POLR3F: variants seen among roughly 807,000 people sequenced by gnomAD.
POLR3F encodes the protein DNA-directed RNA polymerase III subunit RPC6.
In POLR3F, 31 loss-of-function variants were observed where a neutral mutation model predicts 43.6. The observed-to-expected ratio is 0.71, with a 90% confidence interval of 0.53 to 0.96. The LOEUF (loss-of-function observed/expected upper bound fraction) is 0.96, where lower values mean the gene tolerates loss of function less well. POLR3F is among the 40% of genes least tolerant of loss of function. POLR3F has a pLI of 0.00. For synonymous variants in POLR3F, 114 were observed against 132.5 expected (o/e 0.86, Z 0.96); for missense variants, 316 against 391.7 (o/e 0.81, Z 1.63).
chr20:18,468,987 C>T lies in POLR3F; in HGVS notation c.106C>T (p.Gln36Ter). ...CCAGTTCCCTCATGGAATCACAGAC[C>T]AAGTAATTCAGAATGAAATGCCTCA... ...CHQFPHGITD[Q>*]VIQNEMPHIE... The change falls in exon 2 of 9, where the codon CAA (glutamine) becomes TAA (stop). Residue 36 changes from glutamine (Q) to a stop codon, truncating the protein, a stop_gained. Coordinates refer to ENST00000377603, the MANE Select transcript of POLR3F (RefSeq NM_006466.4). LOFTEE classifies it high-confidence loss of function. 2.5e-6 allele frequency: 4 copies of T among 1,592,186 alleles called. No individual in the cohort carries two copies. The highest frequency in any genetic ancestry group is 3.4e-6 in the Non-Finnish European group (4 of 1,159,928).
chr20:18,479,005 C>T (rs1470577630), intron 5 of POLR3F, among the ~76,000 whole-genome samples: 1 of 151,960 alleles, frequency 6.6e-6, no homozygotes, highest in Admixed American at 6.6e-5. Context: ...ATTAGCTGGG[C>T]ATAGTGACGG....
At chr20:18,481,302 T>C (rs1249204529) in intron 7 of POLR3F, among the ~76,000 whole-genome samples, 1 of 152,200 alleles carries the variant, frequency 6.6e-6, no homozygotes, top group Non-Finnish European at 1.5e-5. Context: ...AGTACAGTAG[T>C]GCGATCTCAG....
At position 18,467,577 on chromosome 20, in the gene POLR3F, G is replaced by C. The variant is rs1568573418; in HGVS notation, c.62+9G>C. 1 of 1,614,244 alleles carries C rather than the reference G, an allele frequency of 6.2e-7. No individual in the cohort carries two copies. The highest frequency in any genetic ancestry group is 8.5e-7 in the Non-Finnish European group (1 of 1,180,038). On this transcript the variant is annotated intron_variant, in intron 1 of 8. Coordinates refer to ENST00000377603, the MANE Select transcript of POLR3F (RefSeq NM_006466.4). Reference sequence around the variant, plus strand: ...GTCGAAATAGAAAACAGGTAAACCAGTGAGGCTCCGGCTTGGCACTCCATC... The same window carrying C: ...GTCGAAATAGAAAACAGGTAAACCACTGAGGCTCCGGCTTGGCACTCCATC...
chr20:18,479,099 C>T (rs1213399934), intron 5 of POLR3F, among the ~76,000 whole-genome samples: 5 of 149,244 alleles, frequency 3.4e-5, no homozygotes, highest in African/African-American at 5.0e-5. Flanking sequence ...AAGCTGAGAT[C>T]GTGTGCCATT....
rs543307670 is a variant in POLR3F, at chr20:18,471,369, G to A, written c.181-1473G>A. 6.6e-5 allele frequency among the ~76,000 whole-genome samples: 10 copies of A among 152,278 alleles called. No homozygotes were observed. In the Middle Eastern group the frequency reaches 0.014, roughly 207 times the overall value. On this transcript the variant is annotated intron_variant, in intron 2 of 8. Coordinates refer to ENST00000377603, the MANE Select transcript of POLR3F (RefSeq NM_006466.4). Reference sequence around the variant, plus strand: ...GGAAGTCACTGAACCCCCCCAGGTTGGGCCGCAGCCTGTTCTCCGAGTACC... The same window carrying A: ...GGAAGTCACTGAACCCCCCCAGGTTAGGCCGCAGCCTGTTCTCCGAGTACC...
intron 5 of POLR3F, among the ~76,000 whole-genome samples, chr20:18,479,086 A>G (rs1384725297): frequency 6.6e-6 from 1 of 151,934 alleles, no homozygotes; most frequent in Non-Finnish European, 1.5e-5. Context: ...TGGAGGTTGC[A>G]GTAAGCTGAG....
intron 5 of POLR3F, among the ~76,000 whole-genome samples, chr20:18,475,928 T>C (rs2059777527): frequency 6.6e-6 from 1 of 152,242 alleles, no homozygotes; most frequent in African/African-American, 2.4e-5. Flanking sequence ...TTAGTGATTT[T>C]ATTTATCAGA....
intron 7 of POLR3F, among the ~76,000 whole-genome samples, chr20:18,480,975 T>C (rs964661932): frequency 1.1e-4 from 16 of 152,330 alleles, no homozygotes; most frequent in African/African-American, 3.8e-4. Flanking sequence ...GACTATTTGA[T>C]GTCTAAAGTG....
At chr20:18,473,105 CATAGATGATTATATATTT>C (rs921066306) in intron 3 of POLR3F, 196 bp downstream of exon 3, 3 of 355,736 alleles carry the variant, frequency 8.4e-6, no homozygotes, top group Non-Finnish European at 1.5e-5. Flanking sequence ...TATAAATACA[CATAGATGATTATATATTT>C]ATATATAATC....
chr20:18,470,806 T>C (rs2059745928), intron 2 of POLR3F: 1 of 152,610 alleles, frequency 6.6e-6, no homozygotes, highest in Admixed American at 6.5e-5. Context: ...CAAAGGATAT[T>C]AAGAAAGGGA....
chr20:18,482,294 C>T (rs370054786), intron 8 of POLR3F, among the ~76,000 whole-genome samples: 3 of 152,102 alleles, frequency 2.0e-5, no homozygotes, highest in East Asian at 3.9e-4. Context: ...CCCTGCTTTA[C>T]ATTCTTTCTT....
intron 5 of POLR3F, among the ~76,000 whole-genome samples, chr20:18,476,896 G>A (rs1221486244): frequency 6.6e-6 from 1 of 152,094 alleles, no homozygotes; most frequent in Non-Finnish European, 1.5e-5. Flanking sequence ...CCAACATGGT[G>A]AAACCCTGTC....
At position 18,469,065 on chromosome 20, in the gene POLR3F, A is replaced by G. The variant is rs768208088; in HGVS notation, c.180+4A>G. 10 of 1,262,428 alleles carry G rather than the reference A, an allele frequency of 7.9e-6. No homozygotes were observed. The highest frequency in any genetic ancestry group is 1.5e-5 in the African/African-American group (1 of 68,162). The allele number at this position is 1,262,428 out of a possible 1,614,324, so 78.2% of individuals were successfully genotyped here. On this transcript the variant is annotated splice_donor_region_variant and intron_variant, in intron 2 of 8. Coordinates refer to ENST00000377603, the MANE Select transcript of POLR3F (RefSeq NM_006466.4). ...CATCAATAGGTTGTTGTCTATGGTA[A>G]GGTGAATCTAACTATTTTGCATAAT...
chr20:18,473,464 CA>C lies in POLR3F; in HGVS notation c.316+7del, dbSNP rs1185319568. On this transcript the variant is annotated splice_region_variant and intron_variant, in intron 4 of 8. Transcript: ENST00000377603. ...AGAGGATGCAGGAAATAAAGGTAAGCATGTGAAAGATGAAGCAGAAAAAAAC... is the reference window on the plus strand; with the variant it reads ...AGAGGATGCAGGAAATAAAGGTAAGCTGTGAAAGATGAAGCAGAAAAAAAC... 2.1e-6 allele frequency: 3 copies of C among 1,398,104 alleles called. No homozygotes were observed. The African/African-American group carries it at 4.2e-5, about 20-fold the overall frequency. 86.6% of individuals were successfully genotyped at this position (1,398,104 alleles called of 1,614,324 possible).
Position 18,468,986 on chromosome 20 carries a change from C to T in POLR3F, c.105C>T (p.Asp35=), listed in dbSNP as rs2059730312. 1 of 1,591,298 alleles carries T rather than the reference C, an allele frequency of 6.3e-7. No individual in the cohort carries two copies. The highest frequency in any genetic ancestry group is 1.3e-5 in the African/African-American group (1 of 74,552). The stretch of plus-strand genomic sequence containing the variant: ...ACCAGTTCCCTCATGGAATCACAGA[C>T]CAAGTAATTCAGAATGAAATGCCTC... The part of the protein sequence containing the change: ...LCHQFPHGIT[D]QVIQNEMPHI... The change falls in exon 2 of 9, where the codon GAC becomes GAT. Residue 35 remains aspartate, a synonymous_variant. Coordinates refer to ENST00000377603, the MANE Select transcript of POLR3F (RefSeq NM_006466.4).
rs759357302 is a variant in POLR3F, at chr20:18,480,491, C to T, written c.663C>T (p.Cys221=). The change falls in exon 7 of 9, where the codon TGC becomes TGT. Residue 221 remains cysteine, a synonymous_variant. Transcript: ENST00000377603. Reference sequence around the variant, plus strand: ...CACATGAAGTGTGGAAATATATCTGCGAATTGGGAATCAGTAAGGTCAGAA... The same window carrying T: ...CACATGAAGTGTGGAAATATATCTGTGAATTGGGAATCAGTAAGGTCAGAA... ...ASSHEVWKYI[C]ELGISKVELS... 7.6e-6 allele frequency: 12 copies of T among 1,585,802 alleles called. No homozygotes were observed. In the South Asian group the frequency reaches 1.0e-4, roughly 13 times the overall value.
intron 5 of POLR3F, among the ~76,000 whole-genome samples, chr20:18,479,718 C>T (rs769300226): frequency 1.3e-5 from 2 of 151,994 alleles, no homozygotes; most frequent in Non-Finnish European, 2.9e-5. Context: ...CTAAAAGAAG[C>T]CTGAGAGAGA....
intron 4 of POLR3F, among the ~76,000 whole-genome samples, chr20:18,474,783 A>T (rs189176222): frequency 1.1e-4 from 17 of 152,212 alleles, no homozygotes; most frequent in Admixed American, 7.8e-4. Flanking sequence ...CGGCCTCCCT[A>T]AGTGCTGGGA....
At chr20:18,467,606 C>T (rs1450079014) in intron 1 of POLR3F, 38 bp downstream of exon 1, 1 of 1,613,910 alleles carries the variant, frequency 6.2e-7, no homozygotes, top group East Asian at 2.2e-5. Context: ...CTCCATCAGG[C>T]GCCCAGTCAT....
Sources: gnomAD v4.1 joint callset for allele counts (sites outside exome capture counted in the v4.1 genomes callset) on GRCh38, gnomAD v4.1.1 for gene constraint, MANE v1.5 for transcripts, NCBI Gene and HGNC (gene_info 2026-07-23, HGNC 2026-07-21) for gene names.